Variants in NR3C2 observed in about 807,000 individuals in gnomAD.
NR3C2 encodes mineralocorticoid receptor.
In NR3C2, 15 loss-of-function variants were observed where a neutral mutation model predicts 86.4. The observed-to-expected ratio is 0.17, with a 90% CI of 0.12 to 0.27. NR3C2 has a LOEUF of 0.27. Ranked by LOEUF, NR3C2 falls within the 10% of genes least tolerant of loss-of-function variation. The pLI, the probability that NR3C2 is intolerant of heterozygous loss-of-function variation, is 1.00. For synonymous variants in NR3C2, 458 were observed against 450.5 expected (o/e 1.02, Z -0.21); for missense variants, 960 against 1,195.6 (o/e 0.80, Z 2.91).
chr4:148,328,092 T>C (rs1744054995), intron 2 of NR3C2, among the ~76,000 whole-genome samples: 1 of 152,214 alleles, frequency 6.6e-6, no homozygotes, highest in Non-Finnish European at 1.5e-5. Context: ...GCCAGGACTC[T>C]GCCATTTGTA....
chr4:148,270,605 G>A (rs1024750953), intron 2 of NR3C2, among the ~76,000 whole-genome samples: 5 of 152,156 alleles, frequency 3.3e-5, no homozygotes, highest in African/African-American at 9.7e-5. Context: ...AAAATGGTAT[G>A]TTAAGATGAC....
In NR3C2 at chr4:148,080,943, A is replaced by G; in HGVS notation, c.*401T>C. 3.1e-6 allele frequency: 1 copy of G among 320,796 alleles called. No individual in the cohort carries two copies. Among genetic ancestry groups the G allele is most frequent in the South Asian group, 2.7e-5 (1 of 37,096 alleles). The allele number at this position is 320,796 out of a possible 1,614,324, so 19.9% of individuals were successfully genotyped here. On this transcript the variant is annotated 3_prime_UTR_variant, in exon 9 of 9. Coordinates refer to ENST00000358102, the MANE Select transcript of NR3C2 (RefSeq NM_000901.5). Reference sequence around the variant, plus strand: ...CATATTGACTATACGTTTTATGTGCAAACCAAGGGTAAGCTTTAAAACGTT... The same window carrying G: ...CATATTGACTATACGTTTTATGTGCGAACCAAGGGTAAGCTTTAAAACGTT...
At chr4:148,444,489 G>A, upstream of NR3C2, 2 of 985,826 alleles carry the variant, frequency 2.0e-6, no homozygotes, top group Non-Finnish European at 2.4e-6. Flanking sequence ...ACCCCCTCTC[G>A]CCGCTGTCAG....
chr4:148,145,825 T>A lies in NR3C2; in HGVS notation c.2510+6644A>T, dbSNP rs564891550. Among the ~76,000 whole-genome samples, 57 of 152,096 alleles carry A rather than the reference T, an allele frequency of 3.7e-4. 1 individual carries two copies. Among genetic ancestry groups the A allele is most frequent in the African/African-American group, 1.3e-3 (54 of 41,474 alleles). ...CTTTTAAACTTTATTCCCTCATACT[T>A]ACCCAGAAATTAAAAAAACAATGGA... On this transcript the variant is annotated intron_variant, in intron 6 of 8. Coordinates refer to ENST00000358102, the MANE Select transcript of NR3C2 (RefSeq NM_000901.5).
At chr4:148,321,568 T>C (rs1355240964) in intron 2 of NR3C2, among the ~76,000 whole-genome samples, 1 of 152,136 alleles carries the variant, frequency 6.6e-6, no homozygotes, top group Non-Finnish European at 1.5e-5. Context: ...GCTCCTGTAT[T>C]GGGTGCATAT....
chr4:148,133,945 T>C (rs578167833), intron 6 of NR3C2, among the ~76,000 whole-genome samples: 2 of 152,334 alleles, frequency 1.3e-5, no homozygotes, highest in East Asian at 3.9e-4. Context: ...CTTCTTACTT[T>C]GGAAGAAGAA....
intron 8 of NR3C2, among the ~76,000 whole-genome samples, chr4:148,086,807 C>CT (rs1230245561): frequency 1.3e-5 from 2 of 152,148 alleles, no homozygotes; most frequent in African/African-American, 4.8e-5. Context: ...TTCTGCCAAA[C>CT]CCACAGCCAA....
chr4:148,235,353 T>C (rs59285099), intron 3 of NR3C2, among the ~76,000 whole-genome samples: 2,252 of 151,530 alleles, frequency 0.015, 53 homozygotes, highest in African/African-American at 0.051. Flanking sequence ...CTTAAAATAA[T>C]CCAGTGAGGC....
intron 2 of NR3C2, among the ~76,000 whole-genome samples, chr4:148,269,808 T>C (rs1740584092): frequency 6.6e-6 from 1 of 152,238 alleles, no homozygotes; most frequent in Non-Finnish European, 1.5e-5. Context: ...TGTAGATCAG[T>C]ACTTTACAAC....
intron 1 of NR3C2, among the ~76,000 whole-genome samples, chr4:148,439,393 C>T (rs1347800367): frequency 6.6e-6 from 1 of 152,156 alleles, no homozygotes; most frequent in Non-Finnish European, 1.5e-5. Flanking sequence ...CCACACACCC[C>T]CAAATTCACA....
At chr4:148,444,974 G>T (rs1033795439), upstream of NR3C2, 1 of 984,888 alleles carries the variant, frequency 1.0e-6, no homozygotes, top group Non-Finnish European at 1.2e-6. Flanking sequence ...GCGTGTGTGA[G>T]GGGGCGGTCG....
At chr4:148,237,858 C>G (rs933575400) in intron 3 of NR3C2, among the ~76,000 whole-genome samples, 6 of 152,030 alleles carry the variant, frequency 3.9e-5, no homozygotes, top group Admixed American at 1.3e-4. Context: ...TAACATCATT[C>G]ATTTAAATAC....
chr4:148,201,835 T>G (rs1469584487), intron 3 of NR3C2, among the ~76,000 whole-genome samples: 1 of 152,154 alleles, frequency 6.6e-6, no homozygotes, highest in Non-Finnish European at 1.5e-5. Context: ...CCTCTACCTA[T>G]ATCTGGAAAA....
chr4:148,298,520 T>TGAAGTCACAG (rs1383634377), intron 2 of NR3C2, among the ~76,000 whole-genome samples: 4 of 152,364 alleles, frequency 2.6e-5, no homozygotes, highest in African/African-American at 9.6e-5. Flanking sequence ...TTTACTTTCC[T>TGAAGTCACAG]CTTTACCAGT....
Position 148,436,568 on chromosome 4 carries a change from G to C in NR3C2, c.293C>G (p.Ser98Ter), listed in dbSNP as rs1265344742. 1.2e-6 allele frequency: 2 copies of C among 1,614,198 alleles called. No individual in the cohort carries two copies. Among genetic ancestry groups the C allele is most frequent in the Non-Finnish European group, 1.7e-6 (2 of 1,180,036 alleles). The part of the protein sequence containing the change: ...IKTELESKEL[S>*]ATVAESMGLY... ...ACCCATGGACTCAGCTACAGTTGCT[G>C]AAAGTTCCTTAGATTCCAGCTCAGT... The change falls in exon 2 of 9, where the codon TCA becomes TGA. Residue 98 changes from serine (S) to a stop codon, truncating the protein, a stop_gained. Transcript: ENST00000358102. LOFTEE classifies it high-confidence loss of function.
intron 8 of NR3C2, among the ~76,000 whole-genome samples, chr4:148,099,539 CT>C (rs1254852482): frequency 6.6e-6 from 1 of 152,098 alleles, no homozygotes; most frequent in Non-Finnish European, 1.5e-5. Flanking sequence ...CTATTATTTT[CT>C]TTTTATAGAG....
chr4:148,283,069 G>C lies in NR3C2; in HGVS notation c.1758-22952C>G, dbSNP rs577769049. On this transcript the variant is annotated intron_variant, in intron 2 of 8. Transcript: ENST00000358102. ...AAGGAAACGTTATTTAAAATAATCTGTGTGTTATAAGTGCAAACATATAGC... is the reference window on the plus strand; with the variant it reads ...AAGGAAACGTTATTTAAAATAATCTCTGTGTTATAAGTGCAAACATATAGC... Among the ~76,000 whole-genome samples, 3 of 150,872 alleles carry C rather than the reference G, an allele frequency of 2.0e-5. No individual in the cohort carries two copies. The South Asian group carries it at 6.2e-4, about 31-fold the overall frequency.
Position 148,363,905 on chromosome 4 carries a change from GGT to G in NR3C2, c.1757+71197_1757+71198del, listed in dbSNP as rs1745980247. On this transcript the variant is annotated intron_variant, in intron 2 of 8. Transcript: ENST00000358102. ...TCAGTCTCTCGTGTCAATGGAAAAT[GGT>G]GTGTTACAGATAGAAAATTCTAAAG... Among the ~76,000 whole-genome samples, 5 of 152,188 alleles carry G rather than the reference GGT, an allele frequency of 3.3e-5. No individual in the cohort carries two copies. The South Asian group carries it at 1.0e-3, about 32-fold the overall frequency.
intron 2 of NR3C2, among the ~76,000 whole-genome samples, chr4:148,267,275 C>CT (rs1003659715): frequency 7.0e-5 from 10 of 141,940 alleles, no homozygotes; most frequent in Non-Finnish European, 9.1e-5. Flanking sequence ...ATCTATAATT[C>CT]TTTTTTTTTA....
Sources: gnomAD v4.1 joint callset for allele counts (sites outside exome capture counted in the v4.1 genomes callset) on GRCh38, gnomAD v4.1.1 for gene constraint, MANE v1.5 for transcripts, NCBI Gene and HGNC (gene_info 2026-07-23, HGNC 2026-07-21) for gene names.